ARMC9: variants seen among roughly 807,000 people sequenced by gnomAD.
The protein encoded by ARMC9 is lisH domain-containing protein ARMC9.
ARMC9 carries 94 observed loss-of-function variants against 107.0 expected under a neutral mutation model. That is an observed-to-expected ratio of 0.88 (90% CI 0.74 to 1.04). The LOEUF is 1.04. ARMC9 is among the 50% of genes least tolerant of loss of function. The pLI, the probability that ARMC9 is intolerant of heterozygous loss-of-function variation, is 0.00. For missense variants in ARMC9, 942 were observed against 1,030.1 expected (o/e 0.91, Z 1.17); for synonymous variants, 380 against 396.9 (o/e 0.96, Z 0.51).
intron 5 of ARMC9, among the ~76,000 whole-genome samples, chr2:231,220,596 CAAAAAAAAAAA>C (rs71396668): frequency 6.0e-5 from 4 of 66,170 alleles, no homozygotes; most frequent in South Asian, 5.0e-4. Flanking sequence ...GACTCCATCT[CAAAAAAAAAAA>C]AAAAAAAAAA....
At chr2:231,231,165 G>T (rs1362112777) in intron 7 of ARMC9, among the ~76,000 whole-genome samples, 2 of 152,138 alleles carry the variant, frequency 1.3e-5, no homozygotes, top group African/African-American at 4.8e-5. Flanking sequence ...CTGCTTTGGG[G>T]ACATTCACAT....
chr2:231,347,695 C>T (rs1008775619), intron 21 of ARMC9, among the ~76,000 whole-genome samples: 3 of 152,162 alleles, frequency 2.0e-5, no homozygotes, highest in African/African-American at 4.8e-5. Context: ...TGATTCAAGG[C>T]GCCACTTTAA....
chr2:231,232,555 G>A (rs967290667), intron 7 of ARMC9, among the ~76,000 whole-genome samples: 4 of 151,380 alleles, frequency 2.6e-5, no homozygotes, highest in Admixed American at 6.6e-5. Flanking sequence ...AGGTTCAAGC[G>A]ATTCTCCTGT....
chr2:231,293,022 G>A (rs973455824), intron 18 of ARMC9, among the ~76,000 whole-genome samples: 2 of 152,190 alleles, frequency 1.3e-5, no homozygotes, highest in African/African-American at 2.4e-5. Flanking sequence ...TCGCAGAAAC[G>A]AGGGTGTCCA....
At chr2:231,351,456 T>G (rs2045077698) in intron 21 of ARMC9, among the ~76,000 whole-genome samples, 1 of 152,122 alleles carries the variant, frequency 6.6e-6, no homozygotes, top group Non-Finnish European at 1.5e-5. Flanking sequence ...TTACTTGTAG[T>G]CCAAAACATG....
intron 20 of ARMC9, among the ~76,000 whole-genome samples, chr2:231,337,150 A>G (rs1336508514): frequency 1.3e-5 from 2 of 151,652 alleles, no homozygotes; most frequent in Non-Finnish European, 2.9e-5. Context: ...ACTTTGGGGC[A>G]TTTCCTAATC....
intron 13 of ARMC9, among the ~76,000 whole-genome samples, chr2:231,271,955 C>T (rs1385937152): frequency 6.6e-6 from 1 of 152,008 alleles, no homozygotes; most frequent in African/African-American, 2.4e-5. Flanking sequence ...ACACACATTA[C>T]CCCTCATTTC....
intron 20 of ARMC9, among the ~76,000 whole-genome samples, chr2:231,343,173 A>G (rs1418863754): frequency 4.0e-5 from 6 of 151,890 alleles, no homozygotes; most frequent in Non-Finnish European, 7.4e-5. Context: ...TTGGCTTCCC[A>G]AAGTGCTGGG....
intron 13 of ARMC9, among the ~76,000 whole-genome samples, chr2:231,272,117 G>A (rs994477270): frequency 2.7e-5 from 4 of 150,892 alleles, no homozygotes; most frequent in Middle Eastern, 3.5e-3. Flanking sequence ...AACGTTTAAC[G>A]TTTAGAAGAA....
intron 6 of ARMC9, among the ~76,000 whole-genome samples, chr2:231,226,306 T>G (rs898698826): frequency 2.0e-5 from 3 of 152,268 alleles, no homozygotes; most frequent in Non-Finnish European, 4.4e-5. Flanking sequence ...GAACTGAGAT[T>G]TGAACCCAGG....
chr2:231,339,560 T>C (rs116043400), intron 20 of ARMC9, among the ~76,000 whole-genome samples: 4,626 of 152,238 alleles, frequency 0.03, 230 homozygotes, highest in African/African-American at 0.11. Context: ...CCTCAGCCTC[T>C]CAGAGTGCTG....
At chr2:231,217,715 T>G (rs577470738) in intron 5 of ARMC9, among the ~76,000 whole-genome samples, 1 of 152,270 alleles carries the variant, frequency 6.6e-6, no homozygotes, top group South Asian at 2.1e-4. Flanking sequence ...GTTTGTTTGT[T>G]TGGTTGGTTT....
chr2:231,281,722 G>GAAC (rs141216662), intron 16 of ARMC9, among the ~76,000 whole-genome samples: 3 of 152,226 alleles, frequency 2.0e-5, no homozygotes, highest in Admixed American at 1.3e-4. Context: ...ATTGGAGACT[G>GAAC]AACAACAACA....
At chr2:231,293,532 A>G (rs964880900) in intron 18 of ARMC9, among the ~76,000 whole-genome samples, 9 of 152,264 alleles carry the variant, frequency 5.9e-5, no homozygotes, top group Non-Finnish European at 1.3e-4. Flanking sequence ...CTCTGGCCCA[A>G]AAAACATCTT....
At chr2:231,310,905 T>A (rs1308879114) in intron 19 of ARMC9, among the ~76,000 whole-genome samples, 1 of 152,038 alleles carries the variant, frequency 6.6e-6, no homozygotes, top group East Asian at 1.9e-4. Flanking sequence ...GGTGGGAGGA[T>A]CGCTTGAGCC....
intron 17 of ARMC9, among the ~76,000 whole-genome samples, chr2:231,289,866 G>A (rs1052339626): frequency 1.3e-5 from 2 of 152,156 alleles, no homozygotes; most frequent in African/African-American, 4.8e-5. Flanking sequence ...TTCTCTCACT[G>A]CCATCACTGG....
At chr2:231,282,491 C>T (rs960699956) in intron 17 of ARMC9, among the ~76,000 whole-genome samples, 2 of 152,138 alleles carry the variant, frequency 1.3e-5, no homozygotes, top group Non-Finnish European at 2.9e-5. Context: ...TTAATGTGTA[C>T]GTTAACGCTT....
At chr2:231,310,906 C>T (rs910773470) in intron 19 of ARMC9, among the ~76,000 whole-genome samples, 3 of 152,114 alleles carry the variant, frequency 2.0e-5, no homozygotes, top group East Asian at 3.9e-4. Flanking sequence ...GTGGGAGGAT[C>T]GCTTGAGCCC....
intron 20 of ARMC9, among the ~76,000 whole-genome samples, chr2:231,337,630 C>T (rs1465820483): frequency 2.0e-5 from 3 of 150,690 alleles, no homozygotes; most frequent in African/African-American, 4.9e-5. Flanking sequence ...CCACTACGCC[C>T]GGCTAGTTTT....
Sources: gnomAD v4.1 joint callset for allele counts (sites outside exome capture counted in the v4.1 genomes callset) on GRCh38, gnomAD v4.1.1 for gene constraint, MANE v1.5 for transcripts, NCBI Gene and HGNC (gene_info 2026-07-23, HGNC 2026-07-21) for gene names.